Variants in ATG2B observed in about 807,000 individuals in gnomAD.
The protein encoded by ATG2B is autophagy related 2B.
In ATG2B, 121 loss-of-function variants were observed where a neutral mutation model predicts 241.3. The ratio of observed to expected loss-of-function variants is 0.50; its 90% confidence interval spans 0.43 to 0.58. ATG2B has a LOEUF of 0.58. ATG2B is among the 20% of genes least tolerant of loss of function. The pLI, the probability that ATG2B is intolerant of heterozygous loss-of-function variation, is 0.00. For missense variants in ATG2B, 2,306 were observed against 2,491.6 expected (o/e 0.93, Z 1.59); for synonymous variants, 858 against 876.6 (o/e 0.98, Z 0.37).
rs1018069009 is a variant in ATG2B, at chr14:96,293,976, A to G, written c.5426+984T>C. Among the ~76,000 whole-genome samples, 5 of 152,246 alleles carry G rather than the reference A, an allele frequency of 3.3e-5. No individual in the cohort carries two copies. In the South Asian group the frequency reaches 8.3e-4, roughly 25 times the overall value. ...TCACTTAAGATACATGTTTTTGTAAAAATAAAAGGATCAATGTAGGAAATT... is the reference window on the plus strand; with the variant it reads ...TCACTTAAGATACATGTTTTTGTAAGAATAAAAGGATCAATGTAGGAAATT... On this transcript the variant is annotated intron_variant, in intron 36 of 41. Coordinates refer to ENST00000359933, the MANE Select transcript of ATG2B (RefSeq NM_018036.7).
At chr14:96,322,805 A>T in intron 16 of ATG2B, 70 bp from the exon 17 acceptor site, 2 of 1,245,426 alleles carry the variant, frequency 1.6e-6, no homozygotes, top group Non-Finnish European at 2.3e-6. Flanking sequence ...CTTTTGTGCA[A>T]ATTAATACAC....
At chr14:96,355,762 AATTAT>A (rs1316463042) in intron 1 of ATG2B, among the ~76,000 whole-genome samples, 1 of 152,226 alleles carries the variant, frequency 6.6e-6, no homozygotes, top group Middle Eastern at 3.2e-3. Flanking sequence ...GCAAACATTA[AATTAT>A]ATATTTCTTC....
At chr14:96,291,486 C>T in intron 38 of ATG2B, 114 bp downstream of exon 38, 1 of 649,822 alleles carries the variant, frequency 1.5e-6, no homozygotes, top group Non-Finnish European at 2.6e-6. Flanking sequence ...AATGAGCTCT[C>T]TAAATAAAAT....
At chr14:96,317,097 T>C (rs1887334117) in intron 20 of ATG2B, 48 bp downstream of exon 20, 2 of 1,483,642 alleles carry the variant, frequency 1.3e-6, no homozygotes, top group Non-Finnish European at 1.8e-6. Flanking sequence ...GCAGATTTAT[T>C]TAAAGTAAGA....
rs79767260 is a variant in ATG2B at position 96,314,917 on chromosome 14, C to T, written c.3642+237G>A. On this transcript the variant is annotated intron_variant, in intron 23 of 41. Coordinates refer to ENST00000359933, the MANE Select transcript of ATG2B (RefSeq NM_018036.7). Reference sequence around the variant, plus strand: ...GATTGACCAAGCTGGGCTCGAACTCCTGACCTCAGGTGATCCACCTGCCTT... The same window carrying T: ...GATTGACCAAGCTGGGCTCGAACTCTTGACCTCAGGTGATCCACCTGCCTT... Among the ~76,000 whole-genome samples, 31,983 of 152,230 alleles carry T rather than the reference C, an allele frequency of 0.21. 4,207 individuals carry two copies. Among genetic ancestry groups the T allele is most frequent in the Non-Finnish European group, 0.28 (19,103 of 68,004 alleles).
intron 26 of ATG2B, 74 bp from the exon 27 acceptor site, chr14:96,311,692 A>C (rs1218544668): frequency 2.3e-6 from 2 of 882,654 alleles, no homozygotes; most frequent in East Asian, 2.5e-5. Context: ...CACCCAATAC[A>C]ACTAGCATTC....
At chr14:96,354,433 C>T (rs1888418349) in intron 1 of ATG2B, among the ~76,000 whole-genome samples, 1 of 152,174 alleles carries the variant, frequency 6.6e-6, no homozygotes, top group Non-Finnish European at 1.5e-5. Context: ...GCTCCATCCA[C>T]GTGCCTGCAA....
In ATG2B at chr14:96,294,868, C is replaced by T. The variant is rs536366578; in HGVS notation, c.5426+92G>A. On this transcript the variant is annotated intron_variant, in intron 36 of 41. Coordinates refer to ENST00000359933, the MANE Select transcript of ATG2B (RefSeq NM_018036.7). ...ATTTGGCAGTGCAAAGAAAAGCTGA[C>T]GGAACCTCATGATTACCAGCACACA... 101 of 1,156,978 alleles carry T rather than the reference C, an allele frequency of 8.7e-5. 1 individual carries two copies. In the East Asian group the frequency reaches 1.6e-3, roughly 18 times the overall value. The allele number at this position is 1,156,978 out of a possible 1,614,324, so 71.7% of individuals were successfully genotyped here.
In ATG2B at chr14:96,288,546, C is replaced by T. The variant is rs117696653; in HGVS notation, c.6006+1110G>A. 2.4e-4 allele frequency among the ~76,000 whole-genome samples: 36 copies of T among 152,208 alleles called. 1 individual carries two copies. The East Asian group carries it at 6.6e-3, about 28-fold the overall frequency. On this transcript the variant is annotated intron_variant, in intron 41 of 41. Transcript: ENST00000359933. ...CTTTTTTTCAAAGCTGACCATTGGT[C>T]TTACCTTTATTTATCCACTAATACA...
At position 96,363,002 on chromosome 14, in the gene ATG2B, T is replaced by C. The variant is rs527994929; in HGVS notation, c.-26A>G. ...AGTGACTGCTGGCAGCTGGGCTGAC[T>C]GCGGCTGCGGGTTGCGACGGCTCCG... On this transcript the variant is annotated 5_prime_UTR_variant, in exon 1 of 42. Coordinates refer to ENST00000359933, the MANE Select transcript of ATG2B (RefSeq NM_018036.7). 3 of 1,611,706 alleles carry C rather than the reference T, an allele frequency of 1.9e-6. No individual in the cohort carries two copies. The South Asian group carries it at 3.3e-5, about 18-fold the overall frequency.
At chr14:96,335,648 A>G (rs1230825580) in intron 6 of ATG2B, among the ~76,000 whole-genome samples, 1 of 152,144 alleles carries the variant, frequency 6.6e-6, no homozygotes, top group South Asian at 2.1e-4. Flanking sequence ...CTTCCACGGC[A>G]TGGCTCCCTT....
At chr14:96,306,458 A>ATCTTACTATG (rs1347001277) in intron 30 of ATG2B, among the ~76,000 whole-genome samples, 2 of 152,182 alleles carry the variant, frequency 1.3e-5, no homozygotes, top group African/African-American at 4.8e-5. Context: ...TTGAATAGTC[A>ATCTTACTATG]TCTTACTATA....
rs1886228426 is a variant in ATG2B at position 96,282,615 on chromosome 14, T to C, written c.*3140A>G. On this transcript the variant is annotated 3_prime_UTR_variant, in exon 42 of 42. Coordinates refer to ENST00000359933, the MANE Select transcript of ATG2B (RefSeq NM_018036.7). ...TAGTGCAATTGGGGATTCCTCATTTTAAGTCGCTGCTTTAGAATTCCGCTC... is the reference window on the plus strand; with the variant it reads ...TAGTGCAATTGGGGATTCCTCATTTCAAGTCGCTGCTTTAGAATTCCGCTC... 1 of 152,284 alleles carries C rather than the reference T, an allele frequency of 6.6e-6. No individual in the cohort carries two copies. The highest frequency in any genetic ancestry group is 2.4e-5 in the African/African-American group (1 of 41,480). 9.4% of individuals were successfully genotyped at this position (152,284 alleles called of 1,614,324 possible). A position where few individuals can be genotyped will look rare whatever the true frequency, so the allele number is the denominator to read the frequency against.
At position 96,309,495 on chromosome 14, in the gene ATG2B, C is replaced by T. The variant is rs376077529; in HGVS notation, c.4261G>A (p.Asp1421Asn). ...DLMSDAMEEIDMQQGTSSVKP... is the reference protein window; with the variant it reads ...DLMSDAMEEINMQQGTSSVKP... Reference sequence around the variant, plus strand: ...ACTGACGAGGTGCCTTGTTGCATGTCGATCTCCTCCATAGCATCACTCATC... The same window carrying T: ...ACTGACGAGGTGCCTTGTTGCATGTTGATCTCCTCCATAGCATCACTCATC... The change falls in exon 29 of 42, where the codon GAC (aspartate) becomes AAC (asparagine). Residue 1421 changes from aspartate (D) to asparagine (N), a missense_variant. Asp to Asn is a conservative substitution (Grantham distance 23). This residue lies in a region of ATG2B where 1,927 missense variants were observed against 2,011.2 expected (regional missense o/e 0.96). Transcript: ENST00000359933. The T allele has an allele frequency of 4.3e-6, 7 of 1,614,002 alleles. No individual in the cohort carries two copies. The highest frequency in any genetic ancestry group is 4.5e-5 in the East Asian group (2 of 44,884).
Position 96,311,489 on chromosome 14 carries a change from T to C in ATG2B, c.3990+53A>G, listed in dbSNP as rs553753868. On this transcript the variant is annotated intron_variant, in intron 27 of 41. Coordinates refer to ENST00000359933, the MANE Select transcript of ATG2B (RefSeq NM_018036.7). ...ACGGAAAAATGTTAAACTCAATTTT[T>C]TTAATCTCTTAAAAAATAGAACTTA... The C allele has an allele frequency of 3.7e-5, 54 of 1,446,642 alleles. No individual in the cohort carries two copies. In the African/African-American group the frequency reaches 4.0e-4, roughly 11 times the overall value. The allele number at this position is 1,446,642 out of a possible 1,614,324, so 89.6% of individuals were successfully genotyped here.
chr14:96,354,466 T>G (rs966417457), intron 1 of ATG2B, among the ~76,000 whole-genome samples: 6 of 152,274 alleles, frequency 3.9e-5, no homozygotes, highest in African/African-American at 1.4e-4. Context: ...CATTCCTTTT[T>G]ATGGCTGCAT....
In ATG2B at chr14:96,328,342, C is replaced by T. The variant is rs1436396261; in HGVS notation, c.2163+5G>A. On this transcript the variant is annotated splice_donor_5th_base_variant and intron_variant, in intron 14 of 41. Transcript: ENST00000359933. ...GATTAGTATTTGCAGCTTTTGAATA[C>T]TTACCAGACTAATATGTTTATTATA... 2 of 1,590,028 alleles carry T rather than the reference C, an allele frequency of 1.3e-6. No homozygotes were observed. Among genetic ancestry groups the T allele is most frequent in the Non-Finnish European group, 1.7e-6 (2 of 1,167,522 alleles).
At chr14:96,339,428 G>A (rs577425096) in intron 6 of ATG2B, among the ~76,000 whole-genome samples, 5 of 150,502 alleles carry the variant, frequency 3.3e-5, no homozygotes, top group Non-Finnish European at 7.4e-5. Flanking sequence ...ATATATATAT[G>A]GTGTATATTT....
chr14:96,324,962 A>G (rs1360665398), intron 15 of ATG2B, among the ~76,000 whole-genome samples: 1 of 152,206 alleles, frequency 6.6e-6, no homozygotes, highest in Non-Finnish European at 1.5e-5. Context: ...TCTAGGAACC[A>G]CAGGATAAAA....
Sources: gnomAD v4.1 joint callset for allele counts (sites outside exome capture counted in the v4.1 genomes callset) on GRCh38, gnomAD v4.1.1 for gene constraint, gnomAD v4.1.1 regional missense constraint, MANE v1.5 for transcripts, NCBI Gene and HGNC (gene_info 2026-07-23, HGNC 2026-07-21) for gene names.